Variants in MACROD2 observed in about 807,000 individuals in gnomAD.
MACROD2 encodes the protein ADP-ribose glycohydrolase MACROD2.
In MACROD2, 36 loss-of-function variants were observed where a neutral mutation model predicts 70.4. The observed-to-expected ratio is 0.51, with a 90% confidence interval of 0.39 to 0.68. The LOEUF (loss-of-function observed/expected upper bound fraction) is 0.68. Ranked by LOEUF, MACROD2 falls within the 30% of genes least tolerant of loss-of-function variation. The pLI, the probability that MACROD2 is intolerant of heterozygous loss-of-function variation, is 0.00. For synonymous variants in MACROD2, 172 were observed against 178.8 expected, an observed-to-expected ratio of 0.96 and a Z score of 0.30; for missense variants, 496 against 538.4, an observed-to-expected ratio of 0.92 and a Z score of 0.78.
At chr20:14,625,709 G>A (rs560240158) in intron 4 of MACROD2, among the ~76,000 whole-genome samples, 35 of 152,302 alleles carry the variant, frequency 2.3e-4, no homozygotes, top group African/African-American at 7.9e-4. Flanking sequence ...TTTGTGAGAG[G>A]AGCCAGCTAG....
intron 9 of MACROD2, among the ~76,000 whole-genome samples, chr20:15,867,066 C>G (rs1446346838): frequency 6.6e-6 from 1 of 152,200 alleles, no homozygotes; most frequent in African/African-American, 2.4e-5. Flanking sequence ...TCAGAGGCCT[C>G]GCTCCTTGGC....
intron 3 of MACROD2, among the ~76,000 whole-genome samples, chr20:14,300,515 A>T (rs558998068): frequency 6.6e-6 from 1 of 152,338 alleles, no homozygotes; most frequent in South Asian, 2.1e-4. Context: ...TGGAAACTTT[A>T]GAAAATTGAC....
chr20:14,653,062 A>C (rs1227364512), intron 4 of MACROD2, among the ~76,000 whole-genome samples: 1 of 152,110 alleles, frequency 6.6e-6, no homozygotes, highest in Non-Finnish European at 1.5e-5. Flanking sequence ...TCATGAAATG[A>C]GGGCCATATA....
intron 4 of MACROD2, among the ~76,000 whole-genome samples, chr20:14,564,724 T>G (rs1365396730): frequency 6.6e-6 from 1 of 151,942 alleles, no homozygotes; most frequent in East Asian, 1.9e-4. Flanking sequence ...AAGAAAATTC[T>G]TATACACTGT....
chr20:15,537,399 C>A (rs2047890975), intron 8 of MACROD2, among the ~76,000 whole-genome samples: 1 of 151,216 alleles, frequency 6.6e-6, no homozygotes, highest in Non-Finnish European at 1.5e-5. Flanking sequence ...CCTTTCCACT[C>A]ATCATTTTGC....
chr20:15,179,365 T>C (rs2076484438), intron 5 of MACROD2, among the ~76,000 whole-genome samples: 1 of 152,154 alleles, frequency 6.6e-6, no homozygotes. Context: ...ATTTCCTGGA[T>C]TGCCTAGTTA....
intron 5 of MACROD2, among the ~76,000 whole-genome samples, chr20:14,885,748 C>G (rs1456815165): frequency 6.6e-6 from 1 of 152,188 alleles, no homozygotes; most frequent in East Asian, 1.9e-4. Context: ...TTGAAATGCT[C>G]TTTCCTGTTC....
chr20:14,244,173 CAG>C (rs1347407987), intron 3 of MACROD2, among the ~76,000 whole-genome samples: 3 of 152,062 alleles, frequency 2.0e-5, no homozygotes, highest in African/African-American at 7.2e-5. Context: ...GAAACTGAGT[CAG>C]AGAGAAAGGT....
At chr20:14,215,337 T>TATATACAC (rs1166198341) in intron 3 of MACROD2, among the ~76,000 whole-genome samples, 1 of 131,044 alleles carries the variant, frequency 7.6e-6, no homozygotes, top group East Asian at 2.3e-4. Context: ...CCATCATATA[T>TATATACAC]ACACACACAC....
intron 3 of MACROD2, among the ~76,000 whole-genome samples, chr20:14,225,957 A>G (rs2081729310): frequency 6.6e-6 from 1 of 152,132 alleles, no homozygotes; most frequent in Non-Finnish European, 1.5e-5. Context: ...CCCTGAAACC[A>G]CTCTAAGTCC....
chr20:14,611,503 T>A (rs1983168551), intron 4 of MACROD2, among the ~76,000 whole-genome samples: 1 of 148,322 alleles, frequency 6.7e-6, no homozygotes, highest in East Asian at 2.0e-4. Flanking sequence ...TGATTATATC[T>A]CATCGTCAAG....
At chr20:15,591,019 AAGAG>A (rs1470822781) in intron 8 of MACROD2, among the ~76,000 whole-genome samples, 2 of 152,012 alleles carry the variant, frequency 1.3e-5, no homozygotes, top group East Asian at 3.9e-4. Flanking sequence ...AAAAGAAAGA[AAGAG>A]AAAGAAAGAA....
chr20:14,609,557 A>C (rs577310661), intron 4 of MACROD2, among the ~76,000 whole-genome samples: 18 of 152,248 alleles, frequency 1.2e-4, no homozygotes, highest in South Asian at 6.2e-4. Context: ...ATCTTTCATG[A>C]GCTGCCTACT....
At chr20:14,680,056 G>A (rs1282688666) in intron 4 of MACROD2, among the ~76,000 whole-genome samples, 1 of 152,200 alleles carries the variant, frequency 6.6e-6, no homozygotes, top group African/African-American at 2.4e-5. Context: ...CATATGGTAA[G>A]TGGCTGAGAG....
intron 5 of MACROD2, among the ~76,000 whole-genome samples, chr20:14,985,234 T>C (rs1375558460): frequency 6.6e-6 from 1 of 152,304 alleles, no homozygotes; most frequent in East Asian, 1.9e-4. Context: ...GCTCCTGACT[T>C]AGTTCATTCA....
At chr20:15,747,688 AT>A (rs540198932) in intron 8 of MACROD2, among the ~76,000 whole-genome samples, 9 of 151,654 alleles carry the variant, frequency 5.9e-5, no homozygotes, top group South Asian at 4.2e-4. Flanking sequence ...TATTTCCAGA[AT>A]TTTTTTTTGT....
chr20:14,387,818 C>A (rs2083484880), intron 3 of MACROD2, among the ~76,000 whole-genome samples: 1 of 152,178 alleles, frequency 6.6e-6, no homozygotes, highest in South Asian at 2.1e-4. Context: ...AAGTGTCTCA[C>A]CAGACTTCAG....
chr20:14,311,267 T>G (rs973981859), intron 3 of MACROD2, among the ~76,000 whole-genome samples: 1 of 152,224 alleles, frequency 6.6e-6, no homozygotes. Flanking sequence ...ATGTACCTTT[T>G]CTATGTTTAG....
intron 5 of MACROD2, among the ~76,000 whole-genome samples, chr20:14,793,844 A>G (rs1331146586): frequency 6.6e-6 from 1 of 152,102 alleles, no homozygotes; most frequent in Non-Finnish European, 1.5e-5. Context: ...AGTAGAAGAT[A>G]GAAGATGAGG....
Sources: allele counts gnomAD v4.1 joint callset (sites outside exome capture counted in the v4.1 genomes callset), GRCh38; gene constraint gnomAD v4.1.1; transcripts MANE v1.5; gene names NCBI Gene and HGNC (gene_info 2026-07-23, HGNC 2026-07-21).